LRP2: variants seen among roughly 807,000 people sequenced by gnomAD.
LRP2 encodes LDL receptor related protein 2, also known as low-density lipoprotein receptor-related protein 2.
In LRP2, 172 loss-of-function variants were observed where a neutral mutation model predicts 531.0. That is an observed-to-expected ratio of 0.32 (90% confidence interval 0.29 to 0.37). The LOEUF (loss-of-function observed/expected upper bound fraction) is 0.37, where lower values mean the gene tolerates loss of function less well. LRP2 is among the 10% of genes least tolerant of loss of function. LRP2 has a pLI of 1.00. For missense variants in LRP2, 5,167 were observed against 5,868.3 expected (o/e 0.88, Z 3.90); for synonymous variants, 1,992 against 2,027.6 (o/e 0.98, Z 0.47).
chr2:169,284,949 G>A (rs1216958936), intron 9 of LRP2, among the ~76,000 whole-genome samples: 1 of 152,180 alleles, frequency 6.6e-6, no homozygotes, highest in Non-Finnish European at 1.5e-5. Flanking sequence ...AGGTGGAGAA[G>A]TCATAACTAG....
At chr2:169,347,099 C>T (rs1239022417) in intron 1 of LRP2, among the ~76,000 whole-genome samples, 4 of 152,196 alleles carry the variant, frequency 2.6e-5, no homozygotes, top group African/African-American at 9.6e-5. Flanking sequence ...CCCATTAAAA[C>T]ATACCAGCTT....
At chr2:169,240,785 C>A in intron 25 of LRP2, 1 of 658,640 alleles carries the variant, frequency 1.5e-6, no homozygotes, top group South Asian at 1.9e-5. Context: ...AACACATAAC[C>A]AAGTACAAAG....
At position 169,179,682 on chromosome 2, in the gene LRP2, C is replaced by T. The variant is rs1171093226; in HGVS notation, c.10170-1656G>A. ...TTGTGGTGAGCCGAGATCACGCCAT[C>T]GCACTTCAGCCTGGGCAACAAGAGC... On this transcript the variant is annotated intron_variant, in intron 52 of 78. Coordinates refer to ENST00000649046, the MANE Select transcript of LRP2 (RefSeq NM_004525.3). Among the ~76,000 whole-genome samples, 9 of 151,114 alleles carry T rather than the reference C, an allele frequency of 6.0e-5. 1 individual carries two copies. The South Asian group carries it at 1.1e-3, about 18-fold the overall frequency.
chr2:169,254,583 T>G (rs186035183), intron 19 of LRP2, among the ~76,000 whole-genome samples: 872 of 80,328 alleles, frequency 0.011, 98 homozygotes, highest in African/African-American at 0.048. Context: ...GCATGGCACA[T>G]GTATACATAT....
chr2:169,169,961 A>G lies in LRP2; in HGVS notation c.11381-143T>C, dbSNP rs1029944033. On this transcript the variant is annotated intron_variant, in intron 59 of 78. Coordinates refer to ENST00000649046, the MANE Select transcript of LRP2 (RefSeq NM_004525.3). ...AGCAAACCCACAACTTGTGGTTAGC[A>G]AATTAATACATTCTCAAAACTCACA... 7 of 691,642 alleles carry G rather than the reference A, an allele frequency of 1.0e-5. No homozygotes were observed. In the African/African-American group the frequency reaches 1.1e-4, roughly 10 times the overall value. The allele number at this position is 691,642 out of a possible 1,614,324, so 42.8% of individuals were successfully genotyped here.
chr2:169,133,624 T>C (rs1685371318), intron 76 of LRP2, among the ~76,000 whole-genome samples: 2 of 152,208 alleles, frequency 1.3e-5, no homozygotes, highest in African/African-American at 2.4e-5. Flanking sequence ...CAGTTATTCA[T>C]TGTCACTAAG....
chr2:169,239,894 A>T (rs1322642219), intron 25 of LRP2, 119 bp from the exon 26 acceptor site: 1 of 866,122 alleles, frequency 1.2e-6, no homozygotes, highest in Non-Finnish European at 1.9e-6. Flanking sequence ...TGCCCAGACA[A>T]GAGCTAAGTG....
Position 169,256,176 on chromosome 2 carries a change from A to G in LRP2, c.2700T>C (p.Asp900=), listed in dbSNP as rs1466592414. 2 of 1,612,918 alleles carry G rather than the reference A, an allele frequency of 1.2e-6. No individual in the cohort carries two copies. The highest frequency in any genetic ancestry group is 8.5e-7 in the Non-Finnish European group (1 of 1,179,236). Residue 900 remains aspartate, a synonymous_variant, in exon 19 of 79, where the codon GAT becomes GAC. Coordinates refer to ENST00000649046, the MANE Select transcript of LRP2 (RefSeq NM_004525.3). The stretch of plus-strand genomic sequence containing the variant: ...GGCCCAGTCTTCTTCTGTCTAAACC[A>G]TCAAAGGTGCTGTGCTCAATTTTAT... ...YFDKIEHSTF[D]GLDRRRLGHI...
At chr2:169,189,823 T>C (rs1274076966) in intron 48 of LRP2, among the ~76,000 whole-genome samples, 2 of 151,584 alleles carry the variant, frequency 1.3e-5, no homozygotes, top group East Asian at 1.9e-4. Flanking sequence ...TCTTCTACTA[T>C]AGCCCTTTTC....
intron 1 of LRP2, among the ~76,000 whole-genome samples, chr2:169,353,360 G>T (rs982865767): frequency 6.6e-6 from 1 of 152,152 alleles, no homozygotes. Flanking sequence ...GCACACAAAG[G>T]TGAAACTTAG....
intron 14 of LRP2, 43 bp downstream of exon 14, chr2:169,274,993 C>A (rs1305697197): frequency 2.5e-6 from 4 of 1,593,938 alleles, no homozygotes; most frequent in South Asian, 1.1e-5. Context: ...ACCTTTCCAC[C>A]AAGTCCGGTA....
chr2:169,146,415 G>A (rs939712134), intron 69 of LRP2, among the ~76,000 whole-genome samples: 38 of 152,126 alleles, frequency 2.5e-4, no homozygotes, highest in Middle Eastern at 3.2e-3. Flanking sequence ...GTCCAGAAGC[G>A]GTTAGACATG....
intron 1 of LRP2, among the ~76,000 whole-genome samples, chr2:169,349,523 T>C (rs1385180655): frequency 3.3e-5 from 5 of 152,144 alleles, no homozygotes; most frequent in African/African-American, 1.2e-4. Context: ...TGACTCTTCA[T>C]GAGATGGGAA....
chr2:169,188,258 G>A lies in LRP2; in HGVS notation c.9040C>T (p.Arg3014Trp), dbSNP rs142093111. The A allele has an allele frequency of 2.3e-4, 367 of 1,613,864 alleles. No individual in the cohort carries two copies. The highest frequency in any genetic ancestry group is 2.6e-4 in the Non-Finnish European group (306 of 1,179,998). The stretch of plus-strand genomic sequence containing the variant: ...CTATAGTCACCACAGTCATTGTGCC[G>A]GTCACACCTGTATCATGAGATCCAG... ...LCIPKIFRCDRHNDCGDYSDE... is the reference protein window; with the variant it reads ...LCIPKIFRCDWHNDCGDYSDE... The change falls in exon 49 of 79, where the codon CGG becomes TGG. Residue 3014 changes from arginine to tryptophan, a missense_variant. By Grantham distance (101) the Arg-to-Trp change is moderately radical. Transcript: ENST00000649046.
intron 55 of LRP2, 85 bp downstream of exon 55, chr2:169,175,108 G>T: frequency 2.2e-6 from 3 of 1,340,036 alleles, no homozygotes; most frequent in Non-Finnish European, 2.1e-6. Context: ...TTTAGTTCAT[G>T]ATATTCAGGA....
chr2:169,200,436 T>C (rs1456892855), intron 44 of LRP2, among the ~76,000 whole-genome samples: 4 of 152,024 alleles, frequency 2.6e-5, no homozygotes, highest in Non-Finnish European at 5.9e-5. Context: ...ACAGGAAATA[T>C]AAGACAAGCT....
intron 49 of LRP2, 27 bp downstream of exon 49, chr2:169,187,943 T>A: frequency 1.2e-6 from 2 of 1,612,270 alleles, no homozygotes; most frequent in East Asian, 4.5e-5. Context: ...CCCTGTTTCC[T>A]TTTCCCAAAT....
chr2:169,277,948 A>T lies in LRP2; in HGVS notation c.1569T>A (p.Tyr523Ter). Residue 523 changes from tyrosine (Y) to a stop codon, truncating the protein, a stop_gained, in exon 13 of 79, where the codon TAT becomes TAA. Coordinates refer to ENST00000649046, the MANE Select transcript of LRP2 (RefSeq NM_004525.3). LOFTEE classifies it high-confidence loss of function. ...RGIAVDPTVG[Y>*]LFFSDWESLS... ...GGCTCTCCCAATCTGAGAAAAATAA[A>T]TAACTACAAAAGAAAAACAGAAGAT... The T allele has an allele frequency of 6.2e-7, 1 of 1,612,810 alleles. No homozygotes were observed. The highest frequency in any genetic ancestry group is 8.5e-7 in the Non-Finnish European group (1 of 1,178,892).
Position 169,325,417 on chromosome 2 carries a change from A to G in LRP2, c.80-4533T>C, listed in dbSNP as rs1685022629. On this transcript the variant is annotated intron_variant, in intron 1 of 78. Coordinates refer to ENST00000649046, the MANE Select transcript of LRP2 (RefSeq NM_004525.3). ...TAAGAGGCAATTCCTTAACTTATCC[A>G]TAATTTTTGCTTCACTTTTTCTATA... Among the ~76,000 whole-genome samples the G allele has an allele frequency of 2.6e-5, 4 of 152,230 alleles. No individual in the cohort carries two copies. The South Asian group carries it at 6.2e-4, about 24-fold the overall frequency.
Sources: allele counts gnomAD v4.1 joint callset (sites outside exome capture counted in the v4.1 genomes callset), GRCh38; gene constraint gnomAD v4.1.1; transcripts MANE v1.5; gene names NCBI Gene and HGNC (gene_info 2026-07-23, HGNC 2026-07-21).